IQUB: variants seen among roughly 807,000 people sequenced by gnomAD.
IQUB encodes the protein IQ motif and ubiquitin-like domain-containing protein.
Under a neutral mutation model 86.4 loss-of-function variants are expected in IQUB, and 86 were observed. The ratio of observed to expected loss-of-function variants is 1.00; its 90% CI spans 0.84 to 1.19. IQUB has a LOEUF of 1.19. Among genes scored for constraint, IQUB ranks in the 50% most tolerant of loss-of-function variants. The pLI, the probability that IQUB is intolerant of heterozygous loss-of-function variation, is 0.00. For missense variants in IQUB, 946 were observed against 916.9 expected, an observed-to-expected ratio of 1.03 and a Z score of -0.41; for synonymous variants, 289 against 304.5, an observed-to-expected ratio of 0.95 and a Z score of 0.53.
intron 2 of IQUB, 77 bp from the exon 3 acceptor site, chr7:123,510,112 C>A: frequency 2.3e-6 from 2 of 880,032 alleles, no homozygotes; most frequent in East Asian, 2.6e-5. Context: ...CAAACAGATA[C>A]AGAATTATGT....
chr7:123,462,712 A>C (rs1794053632), intron 10 of IQUB: 1 of 351,300 alleles, frequency 2.8e-6, no homozygotes, highest in Admixed American at 3.3e-5. Context: ...TTTTATCTTC[A>C]TGCCTCCTAG....
intron 6 of IQUB, among the ~76,000 whole-genome samples, chr7:123,498,384 G>C (rs1795797236): frequency 6.6e-6 from 1 of 151,750 alleles, no homozygotes; most frequent in Non-Finnish European, 1.5e-5. Flanking sequence ...AAATACAAGA[G>C]CAGACTAGAT....
intron 8 of IQUB, among the ~76,000 whole-genome samples, chr7:123,473,821 G>A (rs779158495): frequency 1.1e-4 from 16 of 150,828 alleles, no homozygotes; most frequent in Non-Finnish European, 1.2e-4. Flanking sequence ...TCCTGACCTC[G>A]CGATCCACCT....
At chr7:123,491,510 A>G (rs992838512) in intron 7 of IQUB, among the ~76,000 whole-genome samples, 10 of 152,194 alleles carry the variant, frequency 6.6e-5, no homozygotes, top group Admixed American at 6.5e-4. Flanking sequence ...TAACATCACT[A>G]TAGATCCTAT....
intron 3 of IQUB, among the ~76,000 whole-genome samples, chr7:123,505,998 C>A (rs1270699739): frequency 6.6e-6 from 1 of 152,160 alleles, no homozygotes; most frequent in African/African-American, 2.4e-5. Context: ...GAATGCTTTG[C>A]TGTTTAGAAA....
intron 8 of IQUB, among the ~76,000 whole-genome samples, 158 bp downstream of exon 8, chr7:123,479,637 T>C (rs536726888): frequency 7.4e-4 from 113 of 152,208 alleles, no homozygotes; most frequent in African/African-American, 2.6e-3. Flanking sequence ...TCTAAAGCTA[T>C]ACCAGAAAAA....
intron 10 of IQUB, among the ~76,000 whole-genome samples, chr7:123,461,981 CAT>C (rs1262162286): frequency 6.6e-6 from 1 of 151,630 alleles, no homozygotes; most frequent in Non-Finnish European, 1.5e-5. Context: ...GCTAGATTCG[CAT>C]ATAAGTAAAA....
chr7:123,517,348 G>A (rs1296512429), intron 1 of IQUB, among the ~76,000 whole-genome samples: 4 of 151,486 alleles, frequency 2.6e-5, no homozygotes, highest in Non-Finnish European at 4.4e-5. Context: ...TGGCTAACAC[G>A]GTGAAACCCC....
intron 1 of IQUB, among the ~76,000 whole-genome samples, chr7:123,517,686 G>C (rs1778771799): frequency 6.6e-6 from 1 of 152,016 alleles, no homozygotes; most frequent in African/African-American, 2.4e-5. Context: ...CTTCCATGAG[G>C]AATCAGAACC....
intron 1 of IQUB, among the ~76,000 whole-genome samples, chr7:123,527,922 C>T (rs7791142): frequency 0.08 from 12,209 of 152,288 alleles, 567 homozygotes; most frequent in African/African-American, 0.12. Context: ...GCCTCGCTGC[C>T]GCCTTGCAGT....
chr7:123,480,620 C>T (rs1238142607), intron 7 of IQUB, among the ~76,000 whole-genome samples: 1 of 152,048 alleles, frequency 6.6e-6, no homozygotes, highest in East Asian at 1.9e-4. Flanking sequence ...CCTTTTCCTT[C>T]CTCTGCTCCC....
At chr7:123,455,650 A>T (rs1793658590) in intron 12 of IQUB, among the ~76,000 whole-genome samples, 1 of 152,056 alleles carries the variant, frequency 6.6e-6, no homozygotes, top group Non-Finnish European at 1.5e-5. Flanking sequence ...AATTTGTCCA[A>T]TTTCTCCCAG....
rs150406997 is a variant in IQUB at position 123,530,446 on chromosome 7, C to A, written c.-5+4046G>T. Among the ~76,000 whole-genome samples the A allele has an allele frequency of 6.2e-3, 939 of 151,820 alleles. 5 individuals are homozygous for A. The highest frequency in any genetic ancestry group is 9.2e-3 in the Non-Finnish European group (625 of 67,906). On this transcript the variant is annotated intron_variant, in intron 1 of 12. Coordinates refer to ENST00000324698, the MANE Select transcript of IQUB (RefSeq NM_178827.5). ...GGAGACTCTGAAAAAAAACAAAAAA[C>A]CAAAAACAAAACAACAACAAACAAC... is the stretch of plus-strand genomic sequence containing the variant.
At chr7:123,513,462 G>A (rs1760581138) in intron 1 of IQUB, among the ~76,000 whole-genome samples, 1 of 152,112 alleles carries the variant, frequency 6.6e-6, no homozygotes, top group South Asian at 2.1e-4. Flanking sequence ...TGTGAGCTAA[G>A]AATGATTTTG....
intron 7 of IQUB, among the ~76,000 whole-genome samples, chr7:123,483,804 T>A (rs1234109697): frequency 1.3e-5 from 2 of 152,136 alleles, no homozygotes; most frequent in Admixed American, 6.6e-5. Context: ...TCTTCCATTA[T>A]ATACAATTCA....
chr7:123,454,227 A>G (rs1264230634), intron 12 of IQUB, among the ~76,000 whole-genome samples: 1 of 152,124 alleles, frequency 6.6e-6, no homozygotes, highest in Non-Finnish European at 1.5e-5. Context: ...AACACACTTT[A>G]TTATGCTATA....
rs566124978 is a variant in IQUB at position 123,469,217 on chromosome 7, T to C, written c.1578A>G (p.Val526=). ...AACTAAGAGAAAGTTAACATACCTTTACAGTGTGTTTAAGAGTTAACAGCA... is the reference window on the plus strand; with the variant it reads ...AACTAAGAGAAAGTTAACATACCTTCACAGTGTGTTTAAGAGTTAACAGCA... ...LDVLLTLKHT[V]KEHECKLTQE... Residue 526 remains valine, a synonymous_variant, in exon 9 of 13, where the codon GTA becomes GTG. Coordinates refer to ENST00000324698, the MANE Select transcript of IQUB (RefSeq NM_178827.5). The C allele has an allele frequency of 5.8e-6, 9 of 1,560,572 alleles. No homozygotes were observed. The South Asian group carries it at 1.0e-4, about 17-fold the overall frequency.
intron 7 of IQUB, among the ~76,000 whole-genome samples, chr7:123,489,410 A>AT (rs1323042505): frequency 6.6e-6 from 1 of 152,162 alleles, no homozygotes; most frequent in African/African-American, 2.4e-5. Context: ...TTACTCTCAT[A>AT]TTTTTTAAAT....
intron 7 of IQUB, among the ~76,000 whole-genome samples, chr7:123,481,160 T>C (rs1412351917): frequency 6.6e-6 from 1 of 152,116 alleles, no homozygotes; most frequent in Admixed American, 6.6e-5. Flanking sequence ...CTGGTTCTAA[T>C]ACTAGCCTGT....
Sources: gnomAD v4.1 joint callset for allele counts (sites outside exome capture counted in the v4.1 genomes callset) on GRCh38, gnomAD v4.1.1 for gene constraint, MANE v1.5 for transcripts, NCBI Gene and HGNC (gene_info 2026-07-23, HGNC 2026-07-21) for gene names.